MYO1D: variants seen among roughly 807,000 people sequenced by gnomAD.
MYO1D encodes myosin ID.
Under a neutral mutation model 122.0 loss-of-function variants are expected in MYO1D, and 83 were observed. The ratio of observed to expected loss-of-function variants is 0.68; its 90% CI spans 0.57 to 0.82. MYO1D has a LOEUF of 0.82. Among genes scored for constraint, MYO1D ranks in the 40% least tolerant of loss-of-function variants. MYO1D has a pLI of 0.00. For missense variants in MYO1D, 1,157 were observed against 1,269.5 expected, an observed-to-expected ratio of 0.91 and a Z score of 1.35; for synonymous variants, 464 against 446.9, an observed-to-expected ratio of 1.04 and a Z score of -0.48.
At position 32,693,092 on chromosome 17, in the gene MYO1D, T is replaced by C. The variant is rs77655994; in HGVS notation, c.2121+18896A>G. ...TAACTATAAGACCTTTCATTTGAGG[T>C]TGGGATAGCAATTCTCATTAAATTG... On this transcript the variant is annotated intron_variant, in intron 16 of 21. Coordinates refer to ENST00000318217, the MANE Select transcript of MYO1D (RefSeq NM_015194.3). Among the ~76,000 whole-genome samples the C allele has an allele frequency of 8.5e-5, 13 of 152,324 alleles. No individual in the cohort carries two copies. The East Asian group carries it at 2.5e-3, about 29-fold the overall frequency.
intron 20 of MYO1D, among the ~76,000 whole-genome samples, chr17:32,620,098 C>G (rs1175919183): frequency 6.6e-6 from 1 of 152,162 alleles, no homozygotes; most frequent in Non-Finnish European, 1.5e-5. Context: ...TCCATTGACA[C>G]CGCTCTTGTG....
At chr17:32,613,874 G>T (rs2087737264) in intron 20 of MYO1D, among the ~76,000 whole-genome samples, 1 of 145,496 alleles carries the variant, frequency 6.9e-6, no homozygotes, top group Non-Finnish European at 1.5e-5. Context: ...TATTATCCGT[G>T]TGCTTGTCCA....
At chr17:32,676,391 C>T (rs2088809835) in intron 16 of MYO1D, among the ~76,000 whole-genome samples, 1 of 146,580 alleles carries the variant, frequency 6.8e-6, no homozygotes, top group Non-Finnish European at 1.5e-5. Flanking sequence ...CATTACTTTA[C>T]ATAATGATCT....
chr17:32,840,598 T>C (rs906481750), intron 1 of MYO1D, among the ~76,000 whole-genome samples: 6 of 152,240 alleles, frequency 3.9e-5, no homozygotes, highest in Non-Finnish European at 7.3e-5. Context: ...TCTCTCCCTC[T>C]CTTACTCTCT....
chr17:32,570,520 T>A (rs560561849), intron 21 of MYO1D, among the ~76,000 whole-genome samples: 1 of 152,080 alleles, frequency 6.6e-6, no homozygotes, highest in South Asian at 2.1e-4. Context: ...CCCGCCACAT[T>A]TTTTTGTATT....
chr17:32,871,806 C>G (rs553433384), intron 1 of MYO1D, among the ~76,000 whole-genome samples: 1 of 152,216 alleles, frequency 6.6e-6, no homozygotes, highest in Non-Finnish European at 1.5e-5. Context: ...ATGCAAGCAG[C>G]TTGCCCTGGC....
rs1448346521 is a variant in MYO1D, at chr17:32,666,747, T to C, written c.2122-7409A>G. Among the ~76,000 whole-genome samples the C allele has an allele frequency of 5.3e-5, 8 of 152,348 alleles. No individual in the cohort carries two copies. In the South Asian group the frequency reaches 8.3e-4, roughly 16 times the overall value. On this transcript the variant is annotated intron_variant, in intron 16 of 21. Coordinates refer to ENST00000318217, the MANE Select transcript of MYO1D (RefSeq NM_015194.3). ...TTCAAAATTCTAGTCATTATGGGCA[T>C]TGGGGGCTCTTTCTGTCTTGTTGTC...
At chr17:32,810,643 A>C (rs1453632100) in intron 1 of MYO1D, among the ~76,000 whole-genome samples, 1 of 151,982 alleles carries the variant, frequency 6.6e-6, no homozygotes, top group African/African-American at 2.4e-5. Flanking sequence ...TGCTCGGCTA[A>C]TTTTTATATT....
chr17:32,607,276 G>T (rs1047111295), intron 20 of MYO1D, among the ~76,000 whole-genome samples: 1 of 151,762 alleles, frequency 6.6e-6, no homozygotes, highest in Non-Finnish European at 1.5e-5. Context: ...ATAGCTCCCA[G>T]AACTAATAAG....
intron 12 of MYO1D, among the ~76,000 whole-genome samples, chr17:32,747,046 C>A (rs147844654): frequency 2.6e-5 from 4 of 152,070 alleles, no homozygotes; most frequent in Non-Finnish European, 4.4e-5. Context: ...GATCTTCCCT[C>A]TTCAGTATTA....
chr17:32,726,355 G>A (rs558489273), intron 14 of MYO1D, among the ~76,000 whole-genome samples: 1 of 152,048 alleles, frequency 6.6e-6, no homozygotes, highest in Non-Finnish European at 1.5e-5. Context: ...AGGAGGTGGA[G>A]GTTGCAGTGA....
chr17:32,747,383 C>T (rs930584275), intron 12 of MYO1D, among the ~76,000 whole-genome samples: 5 of 151,990 alleles, frequency 3.3e-5, no homozygotes, highest in Admixed American at 6.6e-5. Context: ...ATATAGTAGG[C>T]TAAGAAATGC....
chr17:32,710,927 G>T (rs1305608165), intron 16 of MYO1D, among the ~76,000 whole-genome samples: 1 of 152,108 alleles, frequency 6.6e-6, no homozygotes, highest in Non-Finnish European at 1.5e-5. Context: ...ATACTGGTAG[G>T]GATATGGCAC....
At chr17:32,550,600 C>G (rs75169948) in intron 21 of MYO1D, among the ~76,000 whole-genome samples, 144 of 152,278 alleles carry the variant, frequency 9.5e-4, no homozygotes, top group Non-Finnish European at 1.7e-3. Flanking sequence ...TGTCTTCATT[C>G]TTTGTAGATT....
In MYO1D at chr17:32,760,312, C is replaced by T. The variant is rs373748288; in HGVS notation, c.1274G>A (p.Arg425Gln). Residue 425 changes from arginine (R) to glutamine (Q), a missense_variant, in exon 10 of 22, where the codon CGG (arginine) becomes CAG (glutamine). Arg to Gln is a conservative substitution (Grantham distance 43). Coordinates refer to ENST00000318217, the MANE Select transcript of MYO1D (RefSeq NM_015194.3). ...VLKQEQEEYQREGIPWKHIDY... is the reference protein window; with the variant it reads ...VLKQEQEEYQQEGIPWKHIDY... ...CACATGTTTCCAGGGGATCCCTTCC[C>T]GCTGGTATTCCTCTTGTTCTTGCTT... is the stretch of plus-strand genomic sequence containing the variant. The T allele has an allele frequency of 3.9e-5, 63 of 1,610,958 alleles. No homozygotes were observed. The highest frequency in any genetic ancestry group is 5.3e-5 in the Non-Finnish European group (62 of 1,177,790).
At chr17:32,559,101 T>C (rs990109163) in intron 21 of MYO1D, among the ~76,000 whole-genome samples, 34 of 152,248 alleles carry the variant, frequency 2.2e-4, no homozygotes, top group African/African-American at 8.2e-4. Context: ...GTGTGCAATA[T>C]GAACCAAATT....
Position 32,747,857 on chromosome 17 carries a change from AG to A in MYO1D, c.1538+1078del, listed in dbSNP as rs200092604. On this transcript the variant is annotated intron_variant, in intron 12 of 21. Coordinates refer to ENST00000318217, the MANE Select transcript of MYO1D (RefSeq NM_015194.3). ...ATCTCAAAAAAAAGGAAAAAAAAAA[AG>A]ATAGACACAAAGGGACAGTTAACAC... Among the ~76,000 whole-genome samples the A allele has an allele frequency of 3.6e-3, 547 of 152,038 alleles. 3 individuals are homozygous for A. Among genetic ancestry groups the A allele is most frequent in the African/African-American group, 0.012 (511 of 41,480 alleles).
intron 16 of MYO1D, among the ~76,000 whole-genome samples, chr17:32,677,580 A>C (rs1028367160): frequency 7.4e-6 from 1 of 135,880 alleles, no homozygotes; most frequent in Admixed American, 7.7e-5. Flanking sequence ...TAGATAGATA[A>C]ATATATATAT....
chr17:32,692,150 T>A (rs1454049048), intron 16 of MYO1D, among the ~76,000 whole-genome samples: 1 of 152,262 alleles, frequency 6.6e-6, no homozygotes, highest in Admixed American at 6.5e-5. Flanking sequence ...GCTCTAAATA[T>A]ACACATTTCC....
Sources: gnomAD v4.1 joint callset for allele counts (sites outside exome capture counted in the v4.1 genomes callset) on GRCh38, gnomAD v4.1.1 for gene constraint, MANE v1.5 for transcripts, NCBI Gene and HGNC (gene_info 2026-07-23, HGNC 2026-07-21) for gene names.